Variants in TBL1XR1 observed in about 807,000 individuals in gnomAD.
TBL1XR1 encodes the protein F-box-like/WD repeat-containing protein TBL1XR1.
Under a neutral mutation model 66.9 loss-of-function variants are expected in TBL1XR1, and 5 were observed. The observed-to-expected ratio is 0.07, with a 90% CI of 0.04 to 0.16. The LOEUF (loss-of-function observed/expected upper bound fraction) is 0.16. Ranked by LOEUF, TBL1XR1 falls within the 10% of genes least tolerant of loss-of-function variation. The probability of loss-of-function intolerance (pLI) is 1.00; values close to 1 mark genes in which losing one functional copy is unlikely to be tolerated. For missense variants in TBL1XR1, 238 were observed against 623.2 expected (o/e 0.38, Z 6.58); for synonymous variants, 210 against 206.0 (o/e 1.02, Z -0.17).
chr3:177,060,335 A>C (rs757543145), intron 3 of TBL1XR1, among the ~76,000 whole-genome samples: 2 of 152,338 alleles, frequency 1.3e-5, no homozygotes, highest in Admixed American at 1.3e-4. Context: ...AATTTTTAAA[A>C]AGTAATAATA....
intron 1 of TBL1XR1, among the ~76,000 whole-genome samples, chr3:177,103,381 CCAAA>C (rs1724470905): frequency 1.3e-5 from 2 of 152,156 alleles, no homozygotes; most frequent in Admixed American, 6.5e-5. Flanking sequence ...TGTTTTGTCT[CCAAA>C]CAAAAAGCTT....
At chr3:177,200,260 C>T (rs184628665), upstream of TBL1XR1, among the ~76,000 whole-genome samples, 327 of 152,358 alleles carry the variant, frequency 2.1e-3, 2 homozygotes, top group African/African-American at 7.5e-3. Flanking sequence ...GCGTGAGCCA[C>T]TGTGCCCGGC....
chr3:177,065,443 G>C (rs1719031976), intron 2 of TBL1XR1, among the ~76,000 whole-genome samples: 1 of 152,176 alleles, frequency 6.6e-6, no homozygotes, highest in Non-Finnish European at 1.5e-5. Context: ...GGGTGGGGTA[G>C]AACCATGAGT....
intron 1 of TBL1XR1, among the ~76,000 whole-genome samples, chr3:177,139,682 A>C (rs1254654109): frequency 1.1e-4 from 16 of 148,090 alleles, no homozygotes; most frequent in Admixed American, 7.4e-4. Context: ...AAAAAAAAAG[A>C]AAAAGAAAAT....
chr3:177,132,156 G>C (rs915007326), intron 1 of TBL1XR1, among the ~76,000 whole-genome samples: 2 of 152,140 alleles, frequency 1.3e-5, no homozygotes, highest in African/African-American at 2.4e-5. Flanking sequence ...CCTGGTTTTC[G>C]TGAGCCCCTT....
chr3:177,183,376 C>T (rs1206271756), intron 1 of TBL1XR1, among the ~76,000 whole-genome samples: 1 of 152,120 alleles, frequency 6.6e-6, no homozygotes, highest in African/African-American at 2.4e-5. Context: ...TGTGTTGTGC[C>T]ATATGGATTT....
At chr3:177,101,658 C>G (rs1457825233) in intron 1 of TBL1XR1, among the ~76,000 whole-genome samples, 1 of 152,290 alleles carries the variant, frequency 6.6e-6, no homozygotes, top group East Asian at 1.9e-4. Flanking sequence ...GGCGGCCCCT[C>G]AAGCCTGGAC....
intron 1 of TBL1XR1, among the ~76,000 whole-genome samples, chr3:177,186,540 A>G (rs1446774962): frequency 6.6e-6 from 1 of 152,206 alleles, no homozygotes; most frequent in Non-Finnish European, 1.5e-5. Context: ...ACATTAGTAT[A>G]CACTCTTCCC....
chr3:177,100,178 G>A (rs897563386), intron 1 of TBL1XR1, among the ~76,000 whole-genome samples: 3 of 152,338 alleles, frequency 2.0e-5, no homozygotes, highest in African/African-American at 7.2e-5. Flanking sequence ...GGCAGAGGTT[G>A]CAGTGAGCTG....
chr3:177,029,117 A>T (rs890292804), intron 14 of TBL1XR1, among the ~76,000 whole-genome samples: 2 of 151,500 alleles, frequency 1.3e-5, no homozygotes, highest in Non-Finnish European at 2.9e-5. Flanking sequence ...GTATTAAGCT[A>T]TGAAAAAAAA....
At chr3:177,101,288 AT>A (rs11302084) in intron 1 of TBL1XR1, among the ~76,000 whole-genome samples, 6,678 of 147,464 alleles carry the variant, frequency 0.045, 260 homozygotes, top group African/African-American at 0.099. Flanking sequence ...TTTAGATGCA[AT>A]TTTTTTTTTT....
chr3:177,095,233 C>T (rs997354689), intron 2 of TBL1XR1, among the ~76,000 whole-genome samples: 1 of 151,784 alleles, frequency 6.6e-6, no homozygotes, highest in Non-Finnish European at 1.5e-5. Flanking sequence ...GTTGGGAACT[C>T]GCAGGCGGGT....
chr3:177,051,957 G>C (rs1394537665), intron 4 of TBL1XR1, among the ~76,000 whole-genome samples: 3 of 152,090 alleles, frequency 2.0e-5, no homozygotes, highest in Admixed American at 6.6e-5. Context: ...TTACAGTATA[G>C]AGCTGTACAG....
chr3:177,064,069 T>C (rs1718849639), intron 3 of TBL1XR1, among the ~76,000 whole-genome samples: 1 of 152,210 alleles, frequency 6.6e-6, no homozygotes, highest in Admixed American at 6.6e-5. Context: ...CTTAGACCTC[T>C]ACTTTATCCT....
chr3:177,140,898 G>T (rs527495295), intron 1 of TBL1XR1, among the ~76,000 whole-genome samples: 1 of 151,946 alleles, frequency 6.6e-6, no homozygotes, highest in Non-Finnish European at 1.5e-5. Context: ...ATTTTTTTGC[G>T]ATTTTGTTTT....
intron 1 of TBL1XR1, among the ~76,000 whole-genome samples, chr3:177,186,937 C>T (rs990686631): frequency 1.3e-5 from 2 of 151,892 alleles, no homozygotes; most frequent in Non-Finnish European, 2.9e-5. Context: ...GAGGCCGAGG[C>T]GGGCGGATCA....
At chr3:177,195,228 T>C (rs1260097351) in intron 1 of TBL1XR1, among the ~76,000 whole-genome samples, 2 of 151,742 alleles carry the variant, frequency 1.3e-5, no homozygotes, top group African/African-American at 2.4e-5. Context: ...CAAGAAAACC[T>C]GGATTTAAGA....
chr3:177,050,921 C>G (rs1349258405), intron 5 of TBL1XR1, among the ~76,000 whole-genome samples: 1 of 151,910 alleles, frequency 6.6e-6, no homozygotes, highest in Non-Finnish European at 1.5e-5. Context: ...TAATGTCTAT[C>G]AGTACTATTC....
chr3:177,176,290 G>A (rs1373289352), intron 1 of TBL1XR1, among the ~76,000 whole-genome samples: 1 of 151,092 alleles, frequency 6.6e-6, no homozygotes, highest in African/African-American at 2.4e-5. Context: ...TCCGCCCCCT[G>A]GGCTCAAGCG....
Sources: allele counts gnomAD v4.1 joint callset (sites outside exome capture counted in the v4.1 genomes callset), GRCh38; gene constraint gnomAD v4.1.1; transcripts MANE v1.5; gene names NCBI Gene and HGNC (gene_info 2026-07-23, HGNC 2026-07-21).